Variants in ZNF596 observed in about 807,000 individuals in gnomAD.
ZNF596 encodes zinc finger protein 596.
ZNF596 carries 45 observed loss-of-function variants against 48.3 expected under a neutral mutation model. The observed-to-expected ratio is 0.93, with a 90% CI of 0.73 to 1.19. The LOEUF (loss-of-function observed/expected upper bound fraction) is 1.19, where lower values mean the gene tolerates loss of function less well. Among genes scored for constraint, ZNF596 ranks in the 50% most tolerant of loss-of-function variants. The probability of loss-of-function intolerance (pLI) is 0.00; values close to 1 mark genes in which losing one functional copy is unlikely to be tolerated. For missense variants in ZNF596, 848 were observed against 599.7 expected, an observed-to-expected ratio of 1.41 and a Z score of -4.32; for synonymous variants, 270 against 202.0, an observed-to-expected ratio of 1.34 and a Z score of -2.85.
chr8:243,656 A>G, intron 3 of ZNF596, 66 bp from the exon 4 acceptor site: 2 of 1,529,216 alleles, frequency 1.3e-6, no homozygotes, highest in Non-Finnish European at 9.0e-7. Context: ...GCTGCCCTGT[A>G]TCTGATAACC....
intron 1 of ZNF596, chr8:233,281 C>T (rs1385685753): frequency 8.4e-6 from 3 of 356,612 alleles, no homozygotes; most frequent in Non-Finnish European, 1.7e-5. Flanking sequence ...CCGTCAGTAG[C>T]AGAGAGGGCA....
rs1221380688 is a variant in ZNF596 at position 246,462 on chromosome 8, T to C, written c.*100T>C. 6.9e-7 allele frequency: 1 copy of C among 1,440,462 alleles called. No individual in the cohort carries two copies. Among genetic ancestry groups the C allele is most frequent in the Non-Finnish European group, 9.2e-7 (1 of 1,081,548 alleles). 89.2% of individuals were successfully genotyped at this position (1,440,462 alleles called of 1,614,324 possible). On this transcript the variant is annotated 3_prime_UTR_variant, in exon 6 of 6. Transcript: ENST00000398612. Reference sequence around the variant, plus strand: ...GTGTGGAAAAGCCTTTATTTATATTTACCACTTTGCTCAACCTAAATGAAT... The same window carrying C: ...GTGTGGAAAAGCCTTTATTTATATTCACCACTTTGCTCAACCTAAATGAAT...
rs771338527 is a variant in ZNF596, at chr8:245,470, C to G, written c.623C>G (p.Ser208Cys). 1.1e-5 allele frequency: 17 copies of G among 1,614,058 alleles called. No individual in the cohort carries two copies. The highest frequency in any genetic ancestry group is 4.4e-5 in the South Asian group (4 of 91,082). The change falls in exon 6 of 6, where the codon TCT becomes TGT. Residue 208 changes from serine to cysteine, a missense_variant. Coordinates refer to ENST00000398612, the MANE Select transcript of ZNF596 (RefSeq NM_001042416.3). ...TGTGGGAAAACCTTTAGCAAAAATT[C>G]TAATCTTAGGCGACATGAGATGATT... ...RVCGKTFSKN[S>C]NLRRHEMIHT...
intron 2 of ZNF596, among the ~76,000 whole-genome samples, chr8:241,205 G>T (rs1796842026): frequency 6.6e-6 from 1 of 152,182 alleles, no homozygotes. Context: ...TCATGGCCTT[G>T]TTGGGGAAAT....
At chr8:235,492 G>C (rs557382972) in intron 1 of ZNF596, among the ~76,000 whole-genome samples, 1 of 150,196 alleles carries the variant, frequency 6.7e-6, no homozygotes, top group African/African-American at 2.4e-5. Flanking sequence ...TTTTTTTTTA[G>C]ATTTGGATAA....
chr8:238,790 C>T (rs1052579226), intron 1 of ZNF596, among the ~76,000 whole-genome samples: 3 of 151,296 alleles, frequency 2.0e-5, no homozygotes, highest in Non-Finnish European at 2.9e-5. Context: ...CTGGGCAACG[C>T]GAGTGAAACT....
chr8:243,010 A>G lies in ZNF596; in HGVS notation c.136A>G (p.Ile46Val), dbSNP rs771758498. The G allele has an allele frequency of 9.3e-6, 15 of 1,609,976 alleles. No individual in the cohort carries two copies. Among genetic ancestry groups the G allele is most frequent in the South Asian group, 8.8e-5 (8 of 90,862 alleles). Reference protein sequence around the residue: ...MLENISHLVSIGKQLCKSVVL... With the variant: ...MLENISHLVSVGKQLCKSVVL... ...GGAGAACATCAGTCATCTGGTCTCT[A>G]TTGGTGAGTCTCTTTATATTTATTA... Residue 46 changes from isoleucine (I) to valine (V), a missense_variant, in exon 3 of 6, where the codon ATT (isoleucine) becomes GTT (valine). By Grantham distance (29) the Ile-to-Val change is conservative (BLOSUM62 3). Transcript: ENST00000398612.
At chr8:233,096 A>G (rs753407913) in intron 1 of ZNF596, 5 of 468,448 alleles carry the variant, frequency 1.1e-5, no homozygotes, top group Admixed American at 9.4e-5. Flanking sequence ...GGTAGAGCCA[A>G]CGAGCGAGAA....
intron 1 of ZNF596, chr8:240,174 TGAG>T (rs1438589929): frequency 2.0e-5 from 3 of 152,228 alleles, no homozygotes; most frequent in Non-Finnish European, 4.4e-5. Flanking sequence ...CATTTCAACT[TGAG>T]GAACTCCCTT....
rs1797097065 is a variant in ZNF596 at position 246,505 on chromosome 8, C to T, written c.*143C>T. ...AAATGAATTCAAGGTAGAGAGAATC[C>T]AGATGTATTTAATGTTTATGGCACA... On this transcript the variant is annotated 3_prime_UTR_variant, in exon 6 of 6. Coordinates refer to ENST00000398612, the MANE Select transcript of ZNF596 (RefSeq NM_001042416.3). 2.8e-6 allele frequency: 3 copies of T among 1,077,464 alleles called. No individual in the cohort carries two copies. Among genetic ancestry groups the T allele is most frequent in the Non-Finnish European group, 2.6e-6 (2 of 770,736 alleles). The allele number at this position is 1,077,464 out of a possible 1,614,324, so 66.7% of individuals were successfully genotyped here. A position where few individuals can be genotyped will look rare whatever the true frequency, so the allele number is the denominator to read the frequency against.
chr8:243,468 A>G (rs1241937227), intron 3 of ZNF596: 2 of 389,400 alleles, frequency 5.1e-6, no homozygotes, highest in Non-Finnish European at 9.3e-6. Flanking sequence ...CTAAGTGAAA[A>G]CACTGAGGAT....
rs1480118492 is a variant in ZNF596 at position 245,479 on chromosome 8, G to C, written c.632G>C (p.Arg211Thr). The change falls in exon 6 of 6, where the codon AGG becomes ACG. Residue 211 changes from arginine (R) to threonine (T), a missense_variant. Arg to Thr is a moderately conservative substitution (Grantham distance 71). Coordinates refer to ENST00000398612, the MANE Select transcript of ZNF596 (RefSeq NM_001042416.3). ...ACCTTTAGCAAAAATTCTAATCTTA[G>C]GCGACATGAGATGATTCACACTGGA... ...GKTFSKNSNL[R>T]RHEMIHTGEK... is the part of the protein sequence containing the mutation. 2 of 1,614,150 alleles carry C rather than the reference G, an allele frequency of 1.2e-6. No individual in the cohort carries two copies. The highest frequency in any genetic ancestry group is 4.5e-5 in the East Asian group (2 of 44,878).
At chr8:241,549 G>C (rs185169586) in intron 2 of ZNF596, among the ~76,000 whole-genome samples, 13 of 152,272 alleles carry the variant, frequency 8.5e-5, no homozygotes, top group African/African-American at 2.2e-4. Context: ...TTGATAACTG[G>C]AAGCAACTGG....
intron 2 of ZNF596, among the ~76,000 whole-genome samples, chr8:242,407 T>A (rs1796888243): frequency 6.6e-6 from 1 of 152,236 alleles, no homozygotes; most frequent in African/African-American, 2.4e-5. Flanking sequence ...ACTATCTCAT[T>A]GGACCTTTTT....
chr8:239,087 G>C (rs568579989), intron 1 of ZNF596, among the ~76,000 whole-genome samples: 3 of 152,204 alleles, frequency 2.0e-5, no homozygotes, highest in East Asian at 3.9e-4. Context: ...TCAAAGACAG[G>C]TTATTTGAAA....
At chr8:235,476 A>T (rs891875581) in intron 1 of ZNF596, among the ~76,000 whole-genome samples, 1 of 151,736 alleles carries the variant, frequency 6.6e-6, no homozygotes, top group African/African-American at 2.4e-5. Context: ...TACTGTATGT[A>T]TGTTTTTTTT....
chr8:237,055 A>G (rs917900045), intron 1 of ZNF596: 1 of 151,904 alleles, frequency 6.6e-6, no homozygotes, highest in African/African-American at 2.4e-5. Flanking sequence ...AAAATTGGCT[A>G]ATCAGATTTT....
At chr8:242,400 ATC>A (rs140349607) in intron 2 of ZNF596, among the ~76,000 whole-genome samples, 152 of 152,308 alleles carry the variant, frequency 1.0e-3, no homozygotes, top group African/African-American at 3.6e-3. Flanking sequence ...TTTACATACT[ATC>A]TCATTGGACC....
At chr8:233,296 A>G (rs1235664513) in intron 1 of ZNF596, 3 of 330,592 alleles carry the variant, frequency 9.1e-6, no homozygotes, top group Non-Finnish European at 1.9e-5. Context: ...AGGGCAGCAG[A>G]AGCCTAATTC....
Sources: gnomAD v4.1 joint callset for allele counts (sites outside exome capture counted in the v4.1 genomes callset) on GRCh38, gnomAD v4.1.1 for gene constraint, MANE v1.5 for transcripts, NCBI Gene and HGNC (gene_info 2026-07-23, HGNC 2026-07-21) for gene names.